Variants in BICC1 observed in about 807,000 individuals in gnomAD.
BICC1 encodes protein bicaudal C homolog 1.
In BICC1, 43 loss-of-function variants were observed where a neutral mutation model predicts 111.0. That is an observed-to-expected ratio of 0.39 (90% CI 0.30 to 0.50). The LOEUF (loss-of-function observed/expected upper bound fraction) is 0.50, where lower values mean the gene tolerates loss of function less well. Ranked by LOEUF, BICC1 falls within the 20% of genes least tolerant of loss-of-function variation. The pLI, the probability that BICC1 is intolerant of heterozygous loss-of-function variation, is 0.88. For missense variants in BICC1, 1,091 were observed against 1,203.2 expected (o/e 0.91, Z 1.38); for synonymous variants, 467 against 434.4 (o/e 1.07, Z -0.93).
At chr10:58,774,830 T>C (rs1198712770) in intron 3 of BICC1, among the ~76,000 whole-genome samples, 1 of 152,208 alleles carries the variant, frequency 6.6e-6, no homozygotes, top group Non-Finnish European at 1.5e-5. Flanking sequence ...TAGTTATATA[T>C]TTATCATTTT....
intron 2 of BICC1, among the ~76,000 whole-genome samples, chr10:58,682,832 G>A (rs1476175520): frequency 6.6e-6 from 1 of 152,172 alleles, no homozygotes; most frequent in South Asian, 2.1e-4. Context: ...TCTGTAGGTT[G>A]CCTGTTCACT....
Position 58,699,432 on chromosome 10 carries a change from A to C in BICC1, c.238-2642A>C, listed in dbSNP as rs998537101. Among the ~76,000 whole-genome samples the C allele has an allele frequency of 2.6e-5, 4 of 152,214 alleles. No homozygotes were observed. In the South Asian group the frequency reaches 8.3e-4, roughly 31 times the overall value. On this transcript the variant is annotated intron_variant, in intron 2 of 20. Transcript: ENST00000373886. ...ATATTATTTTCTGTCATGGGCATCT[A>C]TTGGTGCTTAATAAAATAAGTGTAC... is the stretch of plus-strand genomic sequence containing the variant.
intron 20 of BICC1, chr10:58,823,466 C>T: frequency 1.0e-6 from 1 of 984,362 alleles, no homozygotes; most frequent in Non-Finnish European, 1.2e-6. Flanking sequence ...CATTTAAAAA[C>T]ATATGTATGT....
At chr10:58,574,051 G>C (rs370749511) in intron 1 of BICC1, among the ~76,000 whole-genome samples, 60 of 152,128 alleles carry the variant, frequency 3.9e-4, no homozygotes, top group African/African-American at 1.3e-3. Flanking sequence ...TCTGGAGTGT[G>C]AGCCTCCCTA....
intron 2 of BICC1, among the ~76,000 whole-genome samples, chr10:58,651,100 T>C (rs1189679008): frequency 6.6e-6 from 1 of 152,182 alleles, no homozygotes; most frequent in Non-Finnish European, 1.5e-5. Flanking sequence ...CAGGCTAAAA[T>C]GATTGCTACC....
At chr10:58,787,715 T>G (rs997765612) in intron 5 of BICC1, among the ~76,000 whole-genome samples, 1 of 152,212 alleles carries the variant, frequency 6.6e-6, no homozygotes, top group Non-Finnish European at 1.5e-5. Context: ...CTACAGGGAC[T>G]AATGGTGACA....
chr10:58,567,389 G>A (rs1427016491), intron 1 of BICC1, among the ~76,000 whole-genome samples: 2 of 151,790 alleles, frequency 1.3e-5, no homozygotes, highest in Non-Finnish European at 2.9e-5. Context: ...ACAGTGATTT[G>A]TCATCTTTTA....
At chr10:58,700,282 G>A (rs1840191786) in intron 2 of BICC1, among the ~76,000 whole-genome samples, 1 of 152,130 alleles carries the variant, frequency 6.6e-6, no homozygotes, top group African/African-American at 2.4e-5. Context: ...CATGAGAAGG[G>A]GCTGGGACAG....
intron 3 of BICC1, among the ~76,000 whole-genome samples, chr10:58,735,542 A>G (rs2393486): frequency 1 from 151,818 of 152,246 alleles, 75,697 homozygotes; most frequent in Middle Eastern, 1. Flanking sequence ...ATTTTTAAGT[A>G]CCTTCCCTAT....
At chr10:58,701,949 A>C in intron 2 of BICC1, 125 bp from the exon 3 acceptor site, 1 of 647,694 alleles carries the variant, frequency 1.5e-6, no homozygotes, top group South Asian at 2.4e-5. Flanking sequence ...ATTGTTTTCA[A>C]ATGAGATCAT....
chr10:58,545,548 C>A (rs1283200776), intron 1 of BICC1, among the ~76,000 whole-genome samples: 1 of 152,150 alleles, frequency 6.6e-6, no homozygotes, highest in Non-Finnish European at 1.5e-5. Context: ...TCAGAACAAG[C>A]AAATCTACCC....
At chr10:58,545,378 C>T (rs746480986) in intron 1 of BICC1, among the ~76,000 whole-genome samples, 8 of 152,070 alleles carry the variant, frequency 5.3e-5, no homozygotes, top group Non-Finnish European at 7.4e-5. Context: ...GAGAAATTAA[C>T]GTTGACTGTG....
chr10:58,792,443 T>G (rs1283158171), intron 8 of BICC1, among the ~76,000 whole-genome samples: 1 of 152,144 alleles, frequency 6.6e-6, no homozygotes, highest in Non-Finnish European at 1.5e-5. Context: ...TACTGGTCAG[T>G]GGTCTGTTAG....
chr10:58,809,993 C>G (rs945607638), intron 17 of BICC1, among the ~76,000 whole-genome samples: 2 of 152,178 alleles, frequency 1.3e-5, no homozygotes, highest in Non-Finnish European at 2.9e-5. Flanking sequence ...ATAATCCAGA[C>G]TCTTCTCCTA....
rs779819649 is a variant in BICC1, at chr10:58,798,425, C to G, written c.1393C>G (p.Leu465Val). 1.9e-6 allele frequency: 3 copies of G among 1,608,888 alleles called. No individual in the cohort carries two copies. The highest frequency in any genetic ancestry group is 2.2e-5 in the East Asian group (1 of 44,522). ...TCTTTTGGGACCCACCACCTTATCT[C>G]TGAACACTTCAACAACCCCAAACTC... ...LGLLGPTTLSLNTSTTPNSLL... is the reference protein window; with the variant it reads ...LGLLGPTTLSVNTSTTPNSLL... Residue 465 changes from leucine (L) to valine (V), a missense_variant, in exon 11 of 21, where the codon CTG (leucine) becomes GTG (valine). Coordinates refer to ENST00000373886, the MANE Select transcript of BICC1 (RefSeq NM_001080512.3).
intron 1 of BICC1, among the ~76,000 whole-genome samples, chr10:58,535,378 C>T (rs1294161232): frequency 7.5e-6 from 1 of 133,436 alleles, no homozygotes; most frequent in East Asian, 2.3e-4. Flanking sequence ...AGCAGACTAA[C>T]AGCAGACTTC....
At chr10:58,607,160 T>C (rs1822844074) in intron 1 of BICC1, among the ~76,000 whole-genome samples, 1 of 151,738 alleles carries the variant, frequency 6.6e-6, no homozygotes, top group South Asian at 2.1e-4. Context: ...CTACTAAAAA[T>C]ACAAAATTAG....
chr10:58,797,805 G>A (rs1843404384), intron 10 of BICC1, among the ~76,000 whole-genome samples: 1 of 151,648 alleles, frequency 6.6e-6, no homozygotes, highest in African/African-American at 2.4e-5. Flanking sequence ...TGACTCCTTA[G>A]AACAACAACA....
At chr10:58,669,620 A>G (rs1839120671) in intron 2 of BICC1, among the ~76,000 whole-genome samples, 1 of 152,130 alleles carries the variant, frequency 6.6e-6, no homozygotes, top group Admixed American at 6.6e-5. Flanking sequence ...AAATACGTTG[A>G]GTAACATAAT....
Sources: gnomAD v4.1 joint callset for allele counts (sites outside exome capture counted in the v4.1 genomes callset) on GRCh38, gnomAD v4.1.1 for gene constraint, MANE v1.5 for transcripts, NCBI Gene and HGNC (gene_info 2026-07-23, HGNC 2026-07-21) for gene names.